The following DLG2 variants were observed in gnomAD, a reference collection of about 807,000 sequenced individuals.
DLG2 encodes discs large MAGUK scaffold protein 2, also known as disks large homolog 2.
A neutral mutation model predicts 132.5 loss-of-function variants in DLG2; 45 were observed. That is an observed-to-expected ratio of 0.34 (90% CI 0.27 to 0.44). The LOEUF is 0.44. Ranked by LOEUF, DLG2 falls within the 20% of genes least tolerant of loss-of-function variation. The pLI is 1.00. For synonymous variants in DLG2, 424 were observed against 419.6 expected (o/e 1.01, Z -0.13); for missense variants, 1,045 against 1,196.9 (o/e 0.87, Z 1.87).
chr11:85,474,758 T>A (rs2093088738), intron 3 of DLG2, among the ~76,000 whole-genome samples: 1 of 151,646 alleles, frequency 6.6e-6, no homozygotes, highest in African/African-American at 2.4e-5. Context: ...TTTAATTCAT[T>A]TAATTTAATT....
chr11:83,763,871 T>C (rs968721191), intron 18 of DLG2, among the ~76,000 whole-genome samples: 5 of 152,240 alleles, frequency 3.3e-5, no homozygotes, highest in Admixed American at 1.3e-4. Flanking sequence ...ACTGGTCCTG[T>C]CATATTATTA....
At chr11:84,354,808 C>A (rs562220509) in intron 7 of DLG2, among the ~76,000 whole-genome samples, 1 of 152,064 alleles carries the variant, frequency 6.6e-6, no homozygotes, top group Non-Finnish European at 1.5e-5. Flanking sequence ...GTCAATACTT[C>A]ATGTGAAAAG....
chr11:84,510,094 C>CTTA (rs10680572), intron 7 of DLG2, among the ~76,000 whole-genome samples: 23,351 of 146,458 alleles, frequency 0.16, 2,211 homozygotes, highest in African/African-American at 0.27. Context: ...TAAGAGTTCA[C>CTTA]TTATTATTAT....
chr11:84,555,517 T>C (rs2099410215), intron 6 of DLG2, among the ~76,000 whole-genome samples: 1 of 152,130 alleles, frequency 6.6e-6, no homozygotes. Flanking sequence ...AGCTACAATA[T>C]GGACATATCT....
chr11:84,350,187 A>C (rs1367107798), intron 7 of DLG2, among the ~76,000 whole-genome samples: 44 of 144,622 alleles, frequency 3.0e-4, no homozygotes, highest in South Asian at 9.6e-4. Context: ...CCCCCCCCAA[A>C]AAAAAAAAAA....
At position 85,311,924 on chromosome 11, in the gene DLG2, CAAA is replaced by C. The variant is rs1565306919; in HGVS notation, c.41-26562_41-26560del. ...TATGCTGCCAAGAACCACAAAATAC[CAAA>C]TATCTTTATTGGTCTCTAGTTACAT... is the stretch of plus-strand genomic sequence containing the variant. On this transcript the variant is annotated intron_variant, in intron 3 of 27. Coordinates refer to ENST00000376104, the MANE Select transcript of DLG2 (RefSeq NM_001142699.3). Among the ~76,000 whole-genome samples, 8 of 152,080 alleles carry C rather than the reference CAAA, an allele frequency of 5.3e-5. No individual in the cohort carries two copies. The East Asian group carries it at 1.5e-3, about 29-fold the overall frequency.
At chr11:84,016,880 T>C (rs929743765) in intron 11 of DLG2, among the ~76,000 whole-genome samples, 6 of 152,114 alleles carry the variant, frequency 3.9e-5, no homozygotes, top group Admixed American at 6.6e-5. Flanking sequence ...GTATTAATTA[T>C]TATACTATGT....
intron 3 of DLG2, among the ~76,000 whole-genome samples, chr11:85,554,249 G>C (rs149511026): frequency 7.3e-5 from 11 of 151,594 alleles, no homozygotes; most frequent in African/African-American, 1.9e-4. Flanking sequence ...AATAGTCGTC[G>C]TCAAACTTCT....
At chr11:84,096,887 T>A (rs116647713) in intron 10 of DLG2, among the ~76,000 whole-genome samples, 3,012 of 105,932 alleles carry the variant, frequency 0.028, 93 homozygotes, top group African/African-American at 0.091. Context: ...TGAAAAAAGA[T>A]GCACATTTAC....
Position 83,473,592 on chromosome 11 carries a change from G to A in DLG2, c.2294-815C>T, listed in dbSNP as rs543225568. On this transcript the variant is annotated intron_variant, in intron 22 of 27. Coordinates refer to ENST00000376104, the MANE Select transcript of DLG2 (RefSeq NM_001142699.3). ...TTAGCTCAATTTCACCTGCAAACCC[G>A]GAAGTGTCTGCATTTTTTTTTGCAT... Among the ~76,000 whole-genome samples, 10 of 152,120 alleles carry A rather than the reference G, an allele frequency of 6.6e-5. No individual in the cohort carries two copies. The South Asian group carries it at 1.9e-3, about 28-fold the overall frequency.
chr11:84,507,359 G>A (rs961038209), intron 7 of DLG2, among the ~76,000 whole-genome samples: 1 of 152,130 alleles, frequency 6.6e-6, no homozygotes, highest in Admixed American at 6.6e-5. Flanking sequence ...AATATTTGTG[G>A]GAATCTGGGA....
intron 11 of DLG2, among the ~76,000 whole-genome samples, chr11:84,016,444 T>C (rs1246391841): frequency 6.6e-6 from 1 of 152,176 alleles, no homozygotes; most frequent in East Asian, 1.9e-4. Flanking sequence ...TCTTGAATGG[T>C]ATTGCCTAGG....
intron 8 of DLG2, among the ~76,000 whole-genome samples, chr11:84,170,131 G>T (rs925211845): frequency 2.0e-5 from 3 of 152,026 alleles, no homozygotes; most frequent in African/African-American, 7.2e-5. Context: ...AAAATCTTTA[G>T]ACCCAAGTCA....
At chr11:84,911,452 A>G (rs2092049771) in intron 6 of DLG2, among the ~76,000 whole-genome samples, 1 of 151,582 alleles carries the variant, frequency 6.6e-6, no homozygotes, top group South Asian at 2.1e-4. Flanking sequence ...TTTTATCTAA[A>G]CAACAAAAAA....
intron 6 of DLG2, among the ~76,000 whole-genome samples, chr11:84,576,761 A>G (rs867606420): frequency 1.3e-5 from 2 of 152,232 alleles, no homozygotes; most frequent in Non-Finnish European, 2.9e-5. Flanking sequence ...TGCAAATGAC[A>G]CAAAGAATCT....
intron 6 of DLG2, among the ~76,000 whole-genome samples, chr11:84,913,556 T>C (rs1479920405): frequency 1.3e-5 from 2 of 152,034 alleles, no homozygotes; most frequent in East Asian, 1.9e-4. Context: ...AAGAAGCCTA[T>C]GAATAATTAT....
chr11:84,590,590 A>G (rs1009511758), intron 6 of DLG2, among the ~76,000 whole-genome samples: 2 of 152,154 alleles, frequency 1.3e-5, no homozygotes, highest in Non-Finnish European at 1.5e-5. Context: ...AATGGCTCGT[A>G]GGGGAAAATA....
rs115478626 is a variant in DLG2 at position 84,443,179 on chromosome 11, T to C, written c.519+91391A>G. ...TGTATAATGTGCCTCTTCTTTCATA[T>C]GTTTAATCATAACATACTTGGCATC... On this transcript the variant is annotated intron_variant, in intron 7 of 27. Transcript: ENST00000376104. Among the ~76,000 whole-genome samples, 7 of 152,248 alleles carry C rather than the reference T, an allele frequency of 4.6e-5. No individual in the cohort carries two copies. In the East Asian group the frequency reaches 7.7e-4, roughly 17 times the overall value.
intron 18 of DLG2, among the ~76,000 whole-genome samples, chr11:83,657,664 G>A (rs1002056568): frequency 2.8e-5 from 4 of 145,374 alleles, no homozygotes; most frequent in East Asian, 2.1e-4. Context: ...TCAGCCTCCC[G>A]AGTAGCTGGG....
Sources: gnomAD v4.1 joint callset for allele counts (sites outside exome capture counted in the v4.1 genomes callset) on GRCh38, gnomAD v4.1.1 for gene constraint, MANE v1.5 for transcripts, NCBI Gene and HGNC (gene_info 2026-07-23, HGNC 2026-07-21) for gene names.